Variants in CCDC7 observed in about 807,000 individuals in gnomAD.
The protein encoded by CCDC7 is coiled-coil domain-containing protein 7.
CCDC7 carries 183 observed loss-of-function variants against 196.9 expected under a neutral mutation model. The observed-to-expected ratio is 0.93, with a 90% CI of 0.82 to 1.05. The LOEUF (loss-of-function observed/expected upper bound fraction) is 1.05, where lower values mean the gene tolerates loss of function less well. Among genes scored for constraint, CCDC7 ranks in the 50% least tolerant of loss-of-function variants. The probability of loss-of-function intolerance (pLI) is 0.00; values close to 1 mark genes in which losing one functional copy is unlikely to be tolerated. For missense variants in CCDC7, 1,540 were observed against 1,482.2 expected, an observed-to-expected ratio of 1.04 and a Z score of -0.64; for synonymous variants, 525 against 484.6, an observed-to-expected ratio of 1.08 and a Z score of -1.10.
In CCDC7 at chr10:32,556,870, G is replaced by T. The variant is rs75621905; in HGVS notation, c.1135-8688G>T. On this transcript the variant is annotated intron_variant, in intron 13 of 41. Coordinates refer to ENST00000639629, the Ensembl canonical transcript of CCDC7. ...TCCCTCTAGCTCTGCTTTAGTAGGG[G>T]CTATGTCTTTGGATTGTTCAACTTC... Among the ~76,000 whole-genome samples, 292 of 152,216 alleles carry T rather than the reference G, an allele frequency of 1.9e-3. 7 individuals carry two copies. In the East Asian group the frequency reaches 0.05, roughly 26 times the overall value.
intron 11 of CCDC7, among the ~76,000 whole-genome samples, chr10:32,529,898 T>C (rs1358928974): frequency 6.6e-6 from 1 of 152,204 alleles, no homozygotes; most frequent in Non-Finnish European, 1.5e-5. Context: ...ATCTTTACGG[T>C]TTCAGGCCTT....
chr10:32,703,983 G>A (rs1055122375), intron 24 of CCDC7, among the ~76,000 whole-genome samples: 1 of 151,730 alleles, frequency 6.6e-6, no homozygotes, highest in Non-Finnish European at 1.5e-5. Flanking sequence ...GCTCTGAGTA[G>A]TTTGATCATC....
chr10:32,647,529 C>A (rs2067994527), intron 20 of CCDC7, among the ~76,000 whole-genome samples: 1 of 57,032 alleles, frequency 1.8e-5, no homozygotes. Flanking sequence ...AATAGCCATT[C>A]TGACTGGTGT....
intron 29 of CCDC7, among the ~76,000 whole-genome samples, chr10:32,781,801 G>A (rs941392991): frequency 1.2e-4 from 18 of 152,104 alleles, no homozygotes; most frequent in Non-Finnish European, 2.4e-4. Context: ...AAATCTATCT[G>A]GACCAGTTAG....
At chr10:32,557,368 A>G (rs892813096) in intron 13 of CCDC7, among the ~76,000 whole-genome samples, 2 of 151,804 alleles carry the variant, frequency 1.3e-5, no homozygotes, top group Middle Eastern at 3.2e-3. Context: ...AGCACTGAAC[A>G]TGTTGAGTAT....
rs568035980 is a variant in CCDC7, at chr10:32,799,758, G to T, written c.3014-5257G>T. On this transcript the variant is annotated intron_variant, in intron 29 of 41. Coordinates refer to ENST00000639629, the Ensembl canonical transcript of CCDC7. ...TCTCACCAATAAGTCCAGTGTGTTTGCTACTTCTCACTCTCTGGATCCAAT... is the reference window on the plus strand; with the variant it reads ...TCTCACCAATAAGTCCAGTGTGTTTTCTACTTCTCACTCTCTGGATCCAAT... 1.6e-4 allele frequency among the ~76,000 whole-genome samples: 24 copies of T among 152,322 alleles called. No homozygotes were observed. In the South Asian group the frequency reaches 1.7e-3, roughly 11 times the overall value.
At chr10:32,578,228 G>A (rs1020653706) in intron 16 of CCDC7, among the ~76,000 whole-genome samples, 3 of 151,972 alleles carry the variant, frequency 2.0e-5, no homozygotes, top group African/African-American at 7.3e-5. Flanking sequence ...AAGGAAAATC[G>A]TTTGTGGTTG....
chr10:32,645,937 A>G (rs2067687487), intron 20 of CCDC7, among the ~76,000 whole-genome samples: 1 of 151,718 alleles, frequency 6.6e-6, no homozygotes, highest in South Asian at 2.1e-4. Context: ...TTTTATTTTT[A>G]GTCTATCTAA....
chr10:32,656,387 G>C (rs2069871360), intron 20 of CCDC7, among the ~76,000 whole-genome samples: 1 of 152,194 alleles, frequency 6.6e-6, no homozygotes, highest in Non-Finnish European at 1.5e-5. Flanking sequence ...AAATACCTGA[G>C]ACTGGGTAAT....
intron 18 of CCDC7, among the ~76,000 whole-genome samples, chr10:32,594,457 G>A (rs1298053329): frequency 2.0e-5 from 3 of 152,126 alleles, no homozygotes; most frequent in Non-Finnish European, 2.9e-5. Flanking sequence ...GGGCTGAGAC[G>A]ATGGGGTTTT....
chr10:32,641,422 C>A (rs976073432), intron 20 of CCDC7, among the ~76,000 whole-genome samples: 1 of 152,060 alleles, frequency 6.6e-6, no homozygotes, highest in Non-Finnish European at 1.5e-5. Flanking sequence ...TCACTGATAC[C>A]CTTTCTTCTA....
chr10:32,489,229 A>G (rs769814597), intron 8 of CCDC7, among the ~76,000 whole-genome samples: 3 of 152,194 alleles, frequency 2.0e-5, no homozygotes, highest in African/African-American at 4.8e-5. Context: ...TTTGGGGTCC[A>G]GATGCTAGTG....
At chr10:32,853,257 T>C (rs563942077) in intron 40 of CCDC7, among the ~76,000 whole-genome samples, 1 of 152,278 alleles carries the variant, frequency 6.6e-6, no homozygotes, top group South Asian at 2.1e-4. Flanking sequence ...ATAAAATTAA[T>C]AAATGGTCTA....
intron 3 of CCDC7, among the ~76,000 whole-genome samples, chr10:32,457,865 T>A (rs2034701609): frequency 6.6e-6 from 1 of 151,696 alleles, no homozygotes; most frequent in African/African-American, 2.4e-5. Flanking sequence ...TTACCTATTT[T>A]AAAATCAGTT....
At chr10:32,722,507 T>C (rs563144665) in intron 25 of CCDC7, among the ~76,000 whole-genome samples, 11 of 152,250 alleles carry the variant, frequency 7.2e-5, no homozygotes, top group African/African-American at 2.6e-4. Context: ...ATTCCATGCC[T>C]CTGCCTGAGC....
At chr10:32,487,517 AT>A in intron 8 of CCDC7, among the ~76,000 whole-genome samples, 1 of 152,180 alleles carries the variant, frequency 6.6e-6, no homozygotes, top group South Asian at 2.1e-4. Flanking sequence ...GCTTTGTTCC[AT>A]TGCTGGTGAG....
intron 28 of CCDC7, among the ~76,000 whole-genome samples, chr10:32,750,509 T>C (rs1374960242): frequency 6.6e-6 from 1 of 152,092 alleles, no homozygotes; most frequent in Non-Finnish European, 1.5e-5. Context: ...AGTAGTGTAA[T>C]AAGAGGTAAG....
intron 28 of CCDC7, among the ~76,000 whole-genome samples, chr10:32,749,877 C>T (rs755109969): frequency 6.6e-6 from 1 of 152,128 alleles, no homozygotes; most frequent in African/African-American, 2.4e-5. Flanking sequence ...CCACTTAGGT[C>T]AAGAAATAGA....
At position 32,814,471 on chromosome 10, in the gene CCDC7, A is replaced by G; in HGVS notation, c.3181+18A>G. 6.5e-7 allele frequency: 1 copy of G among 1,540,820 alleles called. No individual in the cohort carries two copies. The highest frequency in any genetic ancestry group is 1.1e-5 in the South Asian group (1 of 89,470). ...TCTCCCTGGTAAGAACAAAAACTTT[A>G]CACATTTAGTATTTCTGGTTAGTTT... On this transcript the variant is annotated intron_variant, in intron 31 of 41. Coordinates refer to ENST00000639629, the Ensembl canonical transcript of CCDC7.
Sources: allele counts gnomAD v4.1 joint callset (sites outside exome capture counted in the v4.1 genomes callset), GRCh38; gene constraint gnomAD v4.1.1; transcripts MANE v1.5; gene names NCBI Gene and HGNC (gene_info 2026-07-23, HGNC 2026-07-21).